Variants in CEP89 observed in about 807,000 individuals in gnomAD.
CEP89 encodes centrosomal protein 89.
In CEP89, 95 loss-of-function variants were observed where a neutral mutation model predicts 97.6. The observed-to-expected ratio is 0.97, with a 90% CI of 0.82 to 1.15. CEP89 has a LOEUF of 1.15. Among genes scored for constraint, CEP89 ranks in the 50% most tolerant of loss-of-function variants. The pLI is 0.00. For missense variants in CEP89, 869 were observed against 947.7 expected, an observed-to-expected ratio of 0.92 and a Z score of 1.09; for synonymous variants, 354 against 349.1, an observed-to-expected ratio of 1.01 and a Z score of -0.16.
chr19:32,915,311 A>G, intron 14 of CEP89, 26 bp downstream of exon 14: 1 of 1,561,256 alleles, frequency 6.4e-7, no homozygotes, highest in Non-Finnish European at 8.6e-7. Flanking sequence ...AAAAAAAAAA[A>G]AAAAGAAAAA....
At chr19:32,926,332 A>C (rs1425660708) in intron 10 of CEP89, 59 bp from the exon 11 acceptor site, 2 of 1,206,830 alleles carry the variant, frequency 1.7e-6, no homozygotes, top group South Asian at 1.3e-5. Flanking sequence ...ACAACCAGAA[A>C]ATTTTTAAAT....
At chr19:32,903,081 C>A (rs183658050) in intron 14 of CEP89, among the ~76,000 whole-genome samples, 160 of 152,120 alleles carry the variant, frequency 1.1e-3, no homozygotes, top group Admixed American at 9.7e-3. Context: ...GTGGCTCACA[C>A]CTGTAATCCC....
rs1298628320 is a variant in CEP89, at chr19:32,878,034, C to T, written c.*1128G>A. 1 of 152,224 alleles carries T rather than the reference C, an allele frequency of 6.6e-6. No homozygotes were observed. Among genetic ancestry groups the T allele is most frequent in the Non-Finnish European group, 1.5e-5 (1 of 68,070 alleles). 9.4% of individuals were successfully genotyped at this position (152,224 alleles called of 1,614,324 possible). On this transcript the variant is annotated 3_prime_UTR_variant, in exon 19 of 19. Transcript: ENST00000305768. ...GCCTCGGGTGATCCGCCTGCCTCGA[C>T]CTCCCAAAGTGCTGGGATTACAGGA...
chr19:32,917,753 TC>T (rs2145910190), intron 13 of CEP89: 1 of 978,656 alleles, frequency 1.0e-6, no homozygotes, highest in African/African-American at 1.7e-5. Flanking sequence ...AGGGACACTC[TC>T]GGAAGGTGTT....
chr19:32,883,943 T>C (rs1212187570), intron 17 of CEP89, among the ~76,000 whole-genome samples: 3 of 152,210 alleles, frequency 2.0e-5, no homozygotes, highest in South Asian at 2.1e-4. Context: ...AATTTGCTGC[T>C]GTGTTATTTA....
chr19:32,951,118 C>A (rs975696389), intron 4 of CEP89, among the ~76,000 whole-genome samples: 1 of 152,122 alleles, frequency 6.6e-6, no homozygotes, highest in East Asian at 1.9e-4. Context: ...GATTTACTCA[C>A]TTCTTGTGCA....
At position 32,918,271 on chromosome 19, in the gene CEP89, A is replaced by C. The variant is rs373682335; in HGVS notation, c.1337T>G (p.Ile446Ser). ...GCTGTCCTTGGCTTTCCTTTGCTGA[A>C]TCTCCAACTGCTCCAGCAACAACTT... ...ENKLLLEQLE[I>S]QQRKAKDSHQ... The change falls in exon 13 of 19, where the codon ATT becomes AGT. Residue 446 changes from isoleucine (I) to serine (S), a missense_variant. Coordinates refer to ENST00000305768, the MANE Select transcript of CEP89 (RefSeq NM_032816.5). 5 of 1,614,034 alleles carry C rather than the reference A, an allele frequency of 3.1e-6. No individual in the cohort carries two copies. The African/African-American group carries it at 6.7e-5, about 22-fold the overall frequency.
intron 1 of CEP89, chr19:32,969,488 G>A (rs1425788771): frequency 6.6e-6 from 1 of 152,280 alleles, no homozygotes; most frequent in Non-Finnish European, 1.5e-5. Context: ...CATGGCTGCA[G>A]GTCTTGGCTC....
chr19:32,960,089 G>A (rs1017056111), intron 2 of CEP89, 31 bp from the exon 3 acceptor site: 6 of 1,612,456 alleles, frequency 3.7e-6, no homozygotes, highest in African/African-American at 1.3e-5. Context: ...TGGAGACAGT[G>A]AGACATGAAC....
intron 14 of CEP89, among the ~76,000 whole-genome samples, chr19:32,902,002 C>CTGTGTGTGTGTGTGTG (rs1471468250): frequency 6.7e-4 from 70 of 105,014 alleles, no homozygotes; most frequent in South Asian, 3.9e-3. Context: ...CTCTGTCTCT[C>CTGTGTGTGTGTGTGTG]TCTCTCTCTG....
chr19:32,937,358 C>G (rs1970599957), intron 7 of CEP89, among the ~76,000 whole-genome samples: 1 of 151,536 alleles, frequency 6.6e-6, no homozygotes, highest in Non-Finnish European at 1.5e-5. Flanking sequence ...CCCATTACAT[C>G]CCACAGGTCC....
At chr19:32,901,775 A>ACATGATACCTGG (rs1969777115) in intron 14 of CEP89, among the ~76,000 whole-genome samples, 1 of 152,136 alleles carries the variant, frequency 6.6e-6, no homozygotes, top group East Asian at 1.9e-4. Context: ...CCACAGGCAC[A>ACATGATACCTGG]CATGATACCT....
At chr19:32,883,313 TTTG>T (rs1969325295) in intron 17 of CEP89, among the ~76,000 whole-genome samples, 1 of 152,186 alleles carries the variant, frequency 6.6e-6, no homozygotes, top group African/African-American at 2.4e-5. Flanking sequence ...GAAATAACTT[TTTG>T]TTTTTTGATT....
intron 6 of CEP89, among the ~76,000 whole-genome samples, chr19:32,938,439 C>T (rs1970621490): frequency 6.6e-6 from 1 of 152,160 alleles, no homozygotes; most frequent in African/African-American, 2.4e-5. Context: ...GATATTGCTT[C>T]TCAACCCCAA....
At chr19:32,954,025 C>T (rs1337918893) in intron 3 of CEP89, among the ~76,000 whole-genome samples, 1 of 151,914 alleles carries the variant, frequency 6.6e-6, no homozygotes, top group Non-Finnish European at 1.5e-5. Context: ...CCCACCACCG[C>T]GCCTGGCTAA....
chr19:32,888,129 T>G (rs1043141542), intron 16 of CEP89, among the ~76,000 whole-genome samples: 1 of 152,214 alleles, frequency 6.6e-6, no homozygotes, highest in African/African-American at 2.4e-5. Flanking sequence ...AATGCATCTC[T>G]ACTCTTATGG....
chr19:32,894,314 C>G (rs1969594404), intron 16 of CEP89, among the ~76,000 whole-genome samples: 1 of 152,192 alleles, frequency 6.6e-6, no homozygotes, highest in African/African-American at 2.4e-5. Context: ...CATGTGCGCC[C>G]TTGTATGTCA....
At position 32,901,996 on chromosome 19, in the gene CEP89, G is replaced by GTCTCTCTC. The variant is rs149379505; in HGVS notation, c.1566-592_1566-585dup. Among the ~76,000 whole-genome samples the GTCTCTCTC allele has an allele frequency of 9.2e-5, 13 of 141,742 alleles. No individual in the cohort carries two copies. The South Asian group carries it at 9.4e-4, about 10-fold the overall frequency. The allele number at this position is 141,742 out of a possible 152,430, so 93.0% of individuals were successfully genotyped here. A position where few individuals can be genotyped will look rare whatever the true frequency, so the allele number is the denominator to read the frequency against. ...TTTTGGCTTATGTCTCTGTCTCTCTGTCTCTCTCTCTCTCTGTGTGTGTGT... is the reference window on the plus strand; with the variant it reads ...TTTTGGCTTATGTCTCTGTCTCTCTGTCTCTCTCTCTCTCTCTCTCTCTGTGTGTGTGT... On this transcript the variant is annotated intron_variant, in intron 14 of 18. Coordinates refer to ENST00000305768, the MANE Select transcript of CEP89 (RefSeq NM_032816.5).
chr19:32,948,226 G>A (rs1023902170), intron 5 of CEP89, 40 bp downstream of exon 5: 1 of 1,172,068 alleles, frequency 8.5e-7, no homozygotes, highest in Non-Finnish European at 1.2e-6. Context: ...ATGAAAAAAT[G>A]TTCTTATATT....
Sources: allele counts gnomAD v4.1 joint callset (sites outside exome capture counted in the v4.1 genomes callset), GRCh38; gene constraint gnomAD v4.1.1; transcripts MANE v1.5; gene names NCBI Gene and HGNC (gene_info 2026-07-23, HGNC 2026-07-21).